The following MALRD1 variants were observed in gnomAD, a reference collection of about 807,000 sequenced individuals.
The protein encoded by MALRD1 is MAM and LDL-receptor class A domain-containing protein 1.
Under a neutral mutation model 242.1 loss-of-function variants are expected in MALRD1, and 247 were observed. The observed-to-expected ratio is 1.02, with a 90% CI of 0.92 to 1.13. MALRD1 has a LOEUF of 1.13. Ranked by LOEUF, MALRD1 falls within the 50% of genes most tolerant of loss-of-function variation. MALRD1 has a pLI of 0.00. For missense variants in MALRD1, 2,989 were observed against 2,533.1 expected (o/e 1.18, Z -3.86); for synonymous variants, 995 against 866.6 (o/e 1.15, Z -2.60).
intron 12 of MALRD1, among the ~76,000 whole-genome samples, chr10:19,164,651 C>T (rs1009261212): frequency 6.6e-6 from 1 of 152,018 alleles, no homozygotes; most frequent in South Asian, 2.1e-4. Context: ...ATGAATCATC[C>T]AAACAACATT....
In MALRD1 at chr10:19,284,079, C is replaced by T. The variant is rs941438429; in HGVS notation, c.3419+898C>T. 3.9e-5 allele frequency among the ~76,000 whole-genome samples: 6 copies of T among 152,278 alleles called. No homozygotes were observed. In the East Asian group the frequency reaches 9.7e-4, roughly 25 times the overall value. The stretch of plus-strand genomic sequence containing the variant: ...GGAAAGGCCCTGAGCCAGGACCATA[C>T]AGGAAGACCAGCATGGCTGGGGTGG... On this transcript the variant is annotated intron_variant, in intron 21 of 39. Coordinates refer to ENST00000454679, the MANE Select transcript of MALRD1 (RefSeq NM_001142308.3).
intron 33 of MALRD1, among the ~76,000 whole-genome samples, chr10:19,580,796 C>A (rs1286892582): frequency 3.3e-5 from 5 of 152,076 alleles, no homozygotes; most frequent in African/African-American, 1.2e-4. Flanking sequence ...GAAAATTCTC[C>A]ATTTTCTTCA....
intron 38 of MALRD1, among the ~76,000 whole-genome samples, chr10:19,701,095 G>A (rs1440615746): frequency 6.6e-6 from 1 of 152,186 alleles, no homozygotes; most frequent in Non-Finnish European, 1.5e-5. Flanking sequence ...GCTGCAATGA[G>A]CTGTGATTGT....
chr10:19,456,810 G>T (rs1027486701), intron 29 of MALRD1, among the ~76,000 whole-genome samples: 1 of 150,502 alleles, frequency 6.6e-6, no homozygotes, highest in African/African-American at 2.4e-5. Flanking sequence ...GTCTCGCTCT[G>T]TCGCCAGGCT....
chr10:19,674,109 G>T (rs766661670), intron 36 of MALRD1, among the ~76,000 whole-genome samples: 1 of 152,058 alleles, frequency 6.6e-6, no homozygotes, highest in Non-Finnish European at 1.5e-5. Flanking sequence ...CCATGAAAGC[G>T]CAAGATAGTC....
rs373717863 is a variant in MALRD1 at position 19,692,886 on chromosome 10, T to TATATATATATATATATATAA, written c.6314+333_6314+334insTATATATATATATATATAAA. Among the ~76,000 whole-genome samples, 180 of 136,842 alleles carry TATATATATATATATATATAA rather than the reference T, an allele frequency of 1.3e-3. 4 individuals are homozygous for TATATATATATATATATATAA. Among genetic ancestry groups the TATATATATATATATATATAA allele is most frequent in the East Asian group, 5.0e-3 (24 of 4,772 alleles). The allele number at this position is 136,842 out of a possible 152,430, so 89.8% of individuals were successfully genotyped here. ...ATGAAATTATATATATATATATATA[T>TATATATATATATATATATAA]AATTTCATCCCTGGAATGCAAGGCT... On this transcript the variant is annotated intron_variant, in intron 38 of 39. Coordinates refer to ENST00000454679, the MANE Select transcript of MALRD1 (RefSeq NM_001142308.3).
chr10:19,227,995 C>G (rs576058092), intron 18 of MALRD1, among the ~76,000 whole-genome samples: 1 of 152,270 alleles, frequency 6.6e-6, no homozygotes, highest in East Asian at 1.9e-4. Context: ...CTATTCACAC[C>G]TGGCTAGTGG....
At chr10:19,149,389 G>A (rs1307039482) in intron 11 of MALRD1, among the ~76,000 whole-genome samples, 3 of 151,954 alleles carry the variant, frequency 2.0e-5, no homozygotes, top group Non-Finnish European at 4.4e-5. Flanking sequence ...ATTAAGCCTC[G>A]AATTTCCTTC....
intron 24 of MALRD1, among the ~76,000 whole-genome samples, chr10:19,339,363 A>G (rs1843739924): frequency 6.6e-6 from 1 of 152,156 alleles, no homozygotes; most frequent in Non-Finnish European, 1.5e-5. Context: ...GCATCTTATC[A>G]AATACGTCAA....
intron 36 of MALRD1, among the ~76,000 whole-genome samples, chr10:19,622,261 A>G (rs1332236230): frequency 6.6e-6 from 1 of 151,814 alleles, no homozygotes; most frequent in Non-Finnish European, 1.5e-5. Flanking sequence ...TTCAAACAAT[A>G]AAAACAATTT....
intron 18 of MALRD1, among the ~76,000 whole-genome samples, chr10:19,228,363 A>G (rs1438171498): frequency 6.6e-6 from 1 of 152,220 alleles, no homozygotes. Context: ...ACAGAAGCAG[A>G]TTAGTGGTTG....
intron 38 of MALRD1, among the ~76,000 whole-genome samples, chr10:19,718,000 C>CTAAATAAA (rs751306181): frequency 2.0e-3 from 259 of 128,116 alleles, no homozygotes; most frequent in African/African-American, 5.3e-3. Context: ...GAGATTCTAC[C>CTAAATAAA]TAAATAAATA....
chr10:19,378,855 A>G (rs189493024), intron 26 of MALRD1, among the ~76,000 whole-genome samples: 39 of 152,110 alleles, frequency 2.6e-4, no homozygotes, highest in African/African-American at 8.4e-4. Flanking sequence ...CTCTTCCTCT[A>G]TTTTATGGAA....
At chr10:19,240,006 G>A (rs1187549407) in intron 18 of MALRD1, among the ~76,000 whole-genome samples, 1 of 151,966 alleles carries the variant, frequency 6.6e-6, no homozygotes, top group African/African-American at 2.4e-5. Context: ...CATACAAATT[G>A]TAGGGTACTT....
At chr10:19,626,323 G>A (rs1447607442) in intron 36 of MALRD1, among the ~76,000 whole-genome samples, 1 of 148,600 alleles carries the variant, frequency 6.7e-6, no homozygotes, top group East Asian at 2.0e-4. Flanking sequence ...TTAAGTCAGG[G>A]AGGTCTGCCA....
chr10:19,632,458 G>C (rs1454499760), intron 36 of MALRD1, among the ~76,000 whole-genome samples: 3 of 152,198 alleles, frequency 2.0e-5, no homozygotes, highest in African/African-American at 7.2e-5. Context: ...AGCCAGCATA[G>C]TGATGCTGGT....
At chr10:19,409,455 T>TA (rs926648953) in intron 28 of MALRD1, among the ~76,000 whole-genome samples, 28 of 151,730 alleles carry the variant, frequency 1.8e-4, no homozygotes, top group Admixed American at 1.3e-3. Flanking sequence ...ACCCCATCTT[T>TA]AAAAAAAATA....
At chr10:19,205,326 T>G in intron 17 of MALRD1, 61 bp downstream of exon 17, 1 of 1,465,738 alleles carries the variant, frequency 6.8e-7, no homozygotes, top group Non-Finnish European at 9.0e-7. Context: ...CCTTGATGAA[T>G]TCACTTTTGT....
At chr10:19,264,063 T>G (rs906102545) in intron 19 of MALRD1, among the ~76,000 whole-genome samples, 10 of 152,232 alleles carry the variant, frequency 6.6e-5, no homozygotes, top group Non-Finnish European at 1.5e-4. Flanking sequence ...CTCCCAATAC[T>G]TGTTAAAAGT....
Sources: allele counts gnomAD v4.1 joint callset (sites outside exome capture counted in the v4.1 genomes callset), GRCh38; gene constraint gnomAD v4.1.1; transcripts MANE v1.5; gene names NCBI Gene and HGNC (gene_info 2026-07-23, HGNC 2026-07-21).